OSBPL9: variants seen among roughly 807,000 people sequenced by gnomAD.
OSBPL9 encodes the protein oxysterol-binding protein-related protein 9.
In OSBPL9, 40 loss-of-function variants were observed where a neutral mutation model predicts 106.6. The ratio of observed to expected loss-of-function variants is 0.38; its 90% confidence interval spans 0.29 to 0.49. The LOEUF (loss-of-function observed/expected upper bound fraction) is 0.49. OSBPL9 is among the 20% of genes least tolerant of loss of function. The pLI, the probability that OSBPL9 is intolerant of heterozygous loss-of-function variation, is 0.97. For missense variants in OSBPL9, 609 were observed against 887.2 expected (o/e 0.69, Z 3.98); for synonymous variants, 269 against 295.4 (o/e 0.91, Z 0.92).
At chr1:51,679,946 G>A (rs1169248966) in intron 3 of OSBPL9, among the ~76,000 whole-genome samples, 1 of 152,048 alleles carries the variant, frequency 6.6e-6, no homozygotes, top group Non-Finnish European at 1.5e-5. Flanking sequence ...TATATATAGG[G>A]TTCAATACTA....
intron 15 of OSBPL9, among the ~76,000 whole-genome samples, chr1:51,778,049 T>C (rs1286730294): frequency 1.3e-5 from 2 of 152,054 alleles, no homozygotes; most frequent in Admixed American, 6.6e-5. Flanking sequence ...TTCCAGCTAC[T>C]TGGGAGGCTA....
chr1:51,591,616 G>A (rs1028904226), intron 1 of OSBPL9, among the ~76,000 whole-genome samples: 1 of 152,164 alleles, frequency 6.6e-6, no homozygotes, highest in Non-Finnish European at 1.5e-5. Flanking sequence ...AAAGCAGCGT[G>A]GCCAACATGG....
intron 2 of OSBPL9, among the ~76,000 whole-genome samples, chr1:51,656,614 A>T (rs1646829019): frequency 6.6e-6 from 1 of 151,240 alleles, no homozygotes; most frequent in African/African-American, 2.4e-5. Flanking sequence ...CCTATCCTCT[A>T]CATTTTTTTT....
the OSBPL9 span, among the ~76,000 whole-genome samples, chr1:51,537,219 T>C: frequency 6.6e-6 from 1 of 152,224 alleles, no homozygotes. Flanking sequence ...ACATTACCCT[T>C]ATTATTTTTT....
rs547482586 is a variant in OSBPL9 at position 51,788,777 on chromosome 1, A to AGAT, written c.*989_*991dup. On this transcript the variant is annotated 3_prime_UTR_variant, in exon 24 of 24. Transcript: ENST00000428468. Reference sequence around the variant, plus strand: ...CCACAGTGAACAAAAATAGATAGATAGATAGAATAAAATGAATGCCACAGC... The same window carrying AGAT: ...CCACAGTGAACAAAAATAGATAGATAGATGATAGAATAAAATGAATGCCACAGC... Among the ~76,000 whole-genome samples, 127 of 152,070 alleles carry AGAT rather than the reference A, an allele frequency of 8.4e-4. No homozygotes were observed. Among genetic ancestry groups the AGAT allele is most frequent in the Middle Eastern group, 3.4e-3 (1 of 294 alleles).
intron 22 of OSBPL9, among the ~76,000 whole-genome samples, chr1:51,787,125 A>G (rs1677834880): frequency 6.6e-6 from 1 of 152,140 alleles, no homozygotes; most frequent in African/African-American, 2.4e-5. Flanking sequence ...TCTTCTGTTG[A>G]CCTTATCATA....
intron 8 of OSBPL9, chr1:51,752,416 GTTTC>G: frequency 2.4e-6 from 1 of 409,592 alleles, no homozygotes; most frequent in East Asian, 7.2e-5. Flanking sequence ...CCTCCCACTG[GTTTC>G]TTTTTCTTCG....
intron 4 of OSBPL9, among the ~76,000 whole-genome samples, chr1:51,718,008 A>G (rs1218267458): frequency 6.6e-6 from 1 of 152,200 alleles, no homozygotes; most frequent in Non-Finnish European, 1.5e-5. Flanking sequence ...TATAAACACA[A>G]TGGAATACTA....
upstream of OSBPL9, among the ~76,000 whole-genome samples, chr1:51,576,636 TC>T (rs1645185739): frequency 6.6e-6 from 1 of 152,080 alleles, no homozygotes; most frequent in Non-Finnish European, 1.5e-5. Flanking sequence ...CAAGCAATCC[TC>T]CCAACTCAGC....
the OSBPL9 span, among the ~76,000 whole-genome samples, chr1:51,540,801 A>G: frequency 0.019 from 2,954 of 151,882 alleles, 47 homozygotes; most frequent in Non-Finnish European, 0.031. Context: ...TCTACTAAAA[A>G]TACAAAAATT....
In OSBPL9 at chr1:51,785,875, T is replaced by C; in HGVS notation, c.1897T>C (p.Tyr633His). 3 of 1,610,828 alleles carry C rather than the reference T, an allele frequency of 1.9e-6. No individual in the cohort carries two copies. The highest frequency in any genetic ancestry group is 2.5e-6 in the Non-Finnish European group (3 of 1,179,276). ...ATGGAATGGTGTGATGTATGCAAAATATGCAACAGGGGTAAGATCCTCTAT... is the reference window on the plus strand; with the variant it reads ...ATGGAATGGTGTGATGTATGCAAAACATGCAACAGGGGTAAGATCCTCTAT... ...GEWNGVMYAK[Y>H]ATGENTVFVD... The change falls in exon 21 of 24, where the codon TAT becomes CAT. Residue 633 changes from tyrosine to histidine, a missense_variant. Physicochemically the swap from Tyr to His is moderately conservative, Grantham distance 83. Around this residue, in one of 5 missense-constraint regions of OSBPL9, gnomAD observed 132 missense variants for 158.1 expected, o/e 0.83. Transcript: ENST00000428468.
upstream of OSBPL9, among the ~76,000 whole-genome samples, chr1:51,612,293 A>C (rs530481444): frequency 6.6e-6 from 1 of 152,314 alleles, no homozygotes; most frequent in Admixed American, 6.5e-5. Flanking sequence ...TTTTGCTGCC[A>C]GAATGGTCTT....
At chr1:51,685,998 G>A (rs1319595668) in intron 3 of OSBPL9, among the ~76,000 whole-genome samples, 1 of 152,162 alleles carries the variant, frequency 6.6e-6, no homozygotes, top group African/African-American at 2.4e-5. Context: ...GGAATCAGGG[G>A]ATCAAATAAA....
At chr1:51,661,286 G>A (rs908081706) in intron 2 of OSBPL9, among the ~76,000 whole-genome samples, 3 of 152,012 alleles carry the variant, frequency 2.0e-5, no homozygotes, top group Non-Finnish European at 4.4e-5. Context: ...CCTACTTTTC[G>A]CAAAGGGAGA....
chr1:51,651,201 T>G (rs1418257742), intron 1 of OSBPL9, among the ~76,000 whole-genome samples: 1 of 152,146 alleles, frequency 6.6e-6, no homozygotes, highest in Non-Finnish European at 1.5e-5. Context: ...TGAGGGACAT[T>G]GGATGAGAAG....
chr1:51,783,870 T>G (rs1227788256), intron 17 of OSBPL9, 45 bp from the exon 18 acceptor site: 1 of 1,369,894 alleles, frequency 7.3e-7, no homozygotes, highest in African/African-American at 1.4e-5. Flanking sequence ...TTTGGAGAGG[T>G]GGCTGTAGGT....
At chr1:51,567,452 C>T in the OSBPL9 span, 1 of 152,196 alleles carries the variant, frequency 6.6e-6, no homozygotes, top group African/African-American at 2.4e-5. Context: ...AACTGACTAC[C>T]CATCCCCATT....
rs1016465933 is a variant in OSBPL9 at position 51,749,789 on chromosome 1, T to C, written c.493-356T>C. On this transcript the variant is annotated intron_variant, in intron 7 of 23. Coordinates refer to ENST00000428468, the MANE Select transcript of OSBPL9 (RefSeq NM_024586.6). The stretch of plus-strand genomic sequence containing the variant: ...GGCTGAGACGGGGATCGCTTGAGCC[T>C]CTGAGTTTGAGGCTGCAGTGTGCTA... Among the ~76,000 whole-genome samples the C allele has an allele frequency of 4.0e-5, 6 of 151,532 alleles. No individual in the cohort carries two copies. In the South Asian group the frequency reaches 6.3e-4, roughly 16 times the overall value.
chr1:51,600,641 T>C (rs1026468639), intron 2 of OSBPL9, among the ~76,000 whole-genome samples: 1 of 152,162 alleles, frequency 6.6e-6, no homozygotes, highest in African/African-American at 2.4e-5. Context: ...TAAGTCAGCT[T>C]TGGGGCCAAG....
Sources: gnomAD v4.1 joint callset for allele counts (sites outside exome capture counted in the v4.1 genomes callset) on GRCh38, gnomAD v4.1.1 for gene constraint, gnomAD v4.1.1 regional missense constraint, MANE v1.5 for transcripts, NCBI Gene and HGNC (gene_info 2026-07-23, HGNC 2026-07-21) for gene names.